The following ENOX1 variants were observed in gnomAD, a reference collection of about 807,000 sequenced individuals.
ENOX1 encodes candidate growth-related and time keeping constitutive hydroquinone (NADH) oxidase.
A neutral mutation model predicts 82.5 loss-of-function variants in ENOX1; 42 were observed. That is an observed-to-expected ratio of 0.51 (90% CI 0.40 to 0.66). The LOEUF is 0.66. Ranked by LOEUF, ENOX1 falls within the 30% of genes least tolerant of loss-of-function variation. ENOX1 has a pLI of 0.00. For missense variants in ENOX1, 608 were observed against 811.6 expected (o/e 0.75, Z 3.05); for synonymous variants, 271 against 282.2 (o/e 0.96, Z 0.40).
intron 14 of ENOX1, among the ~76,000 whole-genome samples, chr13:43,238,114 G>T (rs1475523669): frequency 6.6e-6 from 1 of 152,178 alleles, no homozygotes; most frequent in African/African-American, 2.4e-5. Flanking sequence ...GGTATAACAG[G>T]CCTCAGGCTG....
chr13:43,779,923 A>G (rs536880422), intron 1 of ENOX1, among the ~76,000 whole-genome samples: 48 of 152,196 alleles, frequency 3.2e-4, no homozygotes, highest in South Asian at 1.2e-3. Context: ...TTGGGAGGCC[A>G]AGGCGGGCAG....
At chr13:43,393,720 C>T (rs1304946644) in intron 5 of ENOX1, among the ~76,000 whole-genome samples, 1 of 152,180 alleles carries the variant, frequency 6.6e-6, no homozygotes, top group African/African-American at 2.4e-5. Context: ...AATTGAGACT[C>T]TATGAATGTA....
chr13:43,776,314 A>C (rs551540257), intron 1 of ENOX1, among the ~76,000 whole-genome samples: 1 of 152,344 alleles, frequency 6.6e-6, no homozygotes, highest in East Asian at 1.9e-4. Context: ...AACATGTATG[A>C]AAAAGAGGTG....
chr13:43,462,591 C>T (rs1397819830), intron 3 of ENOX1, among the ~76,000 whole-genome samples: 2 of 152,184 alleles, frequency 1.3e-5, no homozygotes, highest in Non-Finnish European at 2.9e-5. Context: ...CATATTAATT[C>T]TGAGTAGTTA....
Position 43,498,590 on chromosome 13 carries a change from A to C in ENOX1, c.-218-14438T>G, listed in dbSNP as rs183931270. 5.2e-4 allele frequency among the ~76,000 whole-genome samples: 79 copies of C among 152,228 alleles called. No individual in the cohort carries two copies. In the East Asian group the frequency reaches 0.015, roughly 29 times the overall value. ...AGTCAACTGAATGACTGAATCAATA[A>C]ATGGGTGAGAAAAGTATCTTTCTTG... is the stretch of plus-strand genomic sequence containing the variant. On this transcript the variant is annotated intron_variant, in intron 2 of 16. Coordinates refer to ENST00000690772, the MANE Select transcript of ENOX1 (RefSeq NM_001347969.2).
intron 2 of ENOX1, among the ~76,000 whole-genome samples, chr13:43,528,603 T>C (rs1267654286): frequency 2.0e-5 from 3 of 152,108 alleles, no homozygotes; most frequent in Admixed American, 6.6e-5. Context: ...ATCTCTTATC[T>C]TGCCTTTGAA....
chr13:43,763,592 A>C (rs1248412861), intron 1 of ENOX1, among the ~76,000 whole-genome samples: 1 of 152,200 alleles, frequency 6.6e-6, no homozygotes, highest in Non-Finnish European at 1.5e-5. Context: ...GTGTCTTCTC[A>C]CTACAACCCC....
intron 15 of ENOX1, among the ~76,000 whole-genome samples, chr13:43,227,633 A>C (rs748269255): frequency 4.6e-5 from 7 of 152,196 alleles, no homozygotes; most frequent in Non-Finnish European, 1.0e-4. Context: ...TTTTCATTGA[A>C]ACTATTTTGC....
intron 12 of ENOX1, among the ~76,000 whole-genome samples, chr13:43,281,991 A>G (rs1566413238): frequency 6.6e-6 from 1 of 151,976 alleles, no homozygotes; most frequent in Non-Finnish European, 1.5e-5. Context: ...TGGGAAGGTT[A>G]AAAAAATCAC....
At chr13:43,683,268 T>C (rs984554299) in intron 1 of ENOX1, among the ~76,000 whole-genome samples, 7 of 152,052 alleles carry the variant, frequency 4.6e-5, no homozygotes, top group African/African-American at 7.2e-5. Flanking sequence ...AGTTCCTCAA[T>C]TGCCTTTCGA....
At chr13:43,704,346 G>A (rs1277215707) in intron 1 of ENOX1, among the ~76,000 whole-genome samples, 1 of 152,088 alleles carries the variant, frequency 6.6e-6, no homozygotes. Context: ...TAATGGTGGA[G>A]TAGCTTATAA....
intron 3 of ENOX1, among the ~76,000 whole-genome samples, chr13:43,478,535 A>G (rs1346158956): frequency 2.0e-5 from 3 of 152,160 alleles, no homozygotes; most frequent in Admixed American, 6.5e-5. Flanking sequence ...TAATTAAATA[A>G]CACAACATAA....
chr13:43,646,170 T>G (rs111269090), intron 2 of ENOX1, among the ~76,000 whole-genome samples: 2,078 of 152,330 alleles, frequency 0.014, 32 homozygotes, highest in South Asian at 0.032. Context: ...AGATGAGAGC[T>G]TGTAGCCCAT....
intron 1 of ENOX1, among the ~76,000 whole-genome samples, chr13:43,744,771 TA>T (rs145227308): frequency 4.5e-4 from 68 of 152,292 alleles, no homozygotes; most frequent in Middle Eastern, 3.4e-3. Context: ...AACAGTACTA[TA>T]GGGGTCTAAA....
At chr13:43,393,288 T>C (rs926120800) in intron 5 of ENOX1, among the ~76,000 whole-genome samples, 10 of 152,184 alleles carry the variant, frequency 6.6e-5, no homozygotes, top group African/African-American at 2.4e-4. Context: ...TAAAAGGTAA[T>C]CACAAGCTTT....
intron 11 of ENOX1, among the ~76,000 whole-genome samples, chr13:43,299,392 C>T (rs1247349498): frequency 6.6e-6 from 1 of 152,156 alleles, no homozygotes; most frequent in Non-Finnish European, 1.5e-5. Context: ...TCAACATAGC[C>T]TGCTGAGCAC....
intron 1 of ENOX1, among the ~76,000 whole-genome samples, chr13:43,729,300 A>G (rs2089183435): frequency 6.6e-6 from 1 of 152,200 alleles, no homozygotes; most frequent in Non-Finnish European, 1.5e-5. Context: ...GTTATAGTAA[A>G]GCCTATTAAT....
At chr13:43,603,682 C>T (rs959892097) in intron 2 of ENOX1, among the ~76,000 whole-genome samples, 20 of 135,568 alleles carry the variant, frequency 1.5e-4, no homozygotes, top group South Asian at 7.8e-4. Context: ...ATGATGATTT[C>T]CAATTTCATC....
At chr13:43,281,371 C>G (rs1376693931) in intron 12 of ENOX1, among the ~76,000 whole-genome samples, 2 of 152,160 alleles carry the variant, frequency 1.3e-5, no homozygotes, top group Non-Finnish European at 2.9e-5. Flanking sequence ...AAACCAATCT[C>G]CTCTGCTTCA....
Sources: allele counts gnomAD v4.1 joint callset (sites outside exome capture counted in the v4.1 genomes callset), GRCh38; gene constraint gnomAD v4.1.1; transcripts MANE v1.5; gene names NCBI Gene and HGNC (gene_info 2026-07-23, HGNC 2026-07-21).